Variants in NYAP2 observed in about 807,000 individuals in gnomAD.
The protein encoded by NYAP2 is neuronal tyrosine-phosphorylated phosphoinositide-3-kinase adapter 2.
In NYAP2, 23 loss-of-function variants were observed where a neutral mutation model predicts 50.4. The ratio of observed to expected loss-of-function variants is 0.46; its 90% CI spans 0.33 to 0.65. The LOEUF is 0.65. Ranked by LOEUF, NYAP2 falls within the 30% of genes least tolerant of loss-of-function variation. The probability of loss-of-function intolerance (pLI) is 0.02; values close to 1 mark genes in which losing one functional copy is unlikely to be tolerated. For missense variants in NYAP2, 885 were observed against 861.0 expected (o/e 1.03, Z -0.35); for synonymous variants, 394 against 365.2 (o/e 1.08, Z -0.90).
intron 5 of NYAP2, among the ~76,000 whole-genome samples, chr2:225,586,083 G>C (rs925059447): frequency 3.3e-5 from 5 of 152,144 alleles, no homozygotes; most frequent in Non-Finnish European, 5.9e-5. Context: ...GTTTAGTGGA[G>C]AAGTCAATTT....
chr2:225,687,782 T>C, the NYAP2 span, among the ~76,000 whole-genome samples: 1 of 152,206 alleles, frequency 6.6e-6, no homozygotes, highest in African/African-American at 2.4e-5. Flanking sequence ...ATTGATTCTT[T>C]ACTTGCATGT....
At chr2:225,593,267 G>A (rs993292377) in intron 5 of NYAP2, among the ~76,000 whole-genome samples, 1 of 152,186 alleles carries the variant, frequency 6.6e-6, no homozygotes, top group African/African-American at 2.4e-5. Context: ...AGATAAGTCA[G>A]TTTGCCTCTT....
chr2:225,563,727 G>A (rs1691913195), intron 4 of NYAP2, among the ~76,000 whole-genome samples: 1 of 152,092 alleles, frequency 6.6e-6, no homozygotes, highest in Non-Finnish European at 1.5e-5. Context: ...ATGTGTTTGT[G>A]TATCCATATT....
chr2:225,615,333 G>C (rs1186348668), intron 5 of NYAP2, among the ~76,000 whole-genome samples: 1 of 152,138 alleles, frequency 6.6e-6, no homozygotes, highest in Non-Finnish European at 1.5e-5. Context: ...CAAAGAAAAT[G>C]TTACTGAAAT....
intron 3 of NYAP2, among the ~76,000 whole-genome samples, chr2:225,446,108 G>A (rs1164791922): frequency 6.6e-6 from 1 of 151,654 alleles, no homozygotes; most frequent in South Asian, 2.1e-4. Context: ...TCGAACCCGG[G>A]AGGCGGAGGT....
intron 3 of NYAP2, among the ~76,000 whole-genome samples, chr2:225,424,890 G>C (rs1187489401): frequency 6.6e-6 from 1 of 152,086 alleles, no homozygotes; most frequent in East Asian, 1.9e-4. Context: ...CAAAATGCTT[G>C]TTAGAAGTAA....
At chr2:225,660,324 A>G in the NYAP2 span, among the ~76,000 whole-genome samples, 1 of 152,144 alleles carries the variant, frequency 6.6e-6, no homozygotes, top group Non-Finnish European at 1.5e-5. Flanking sequence ...TGCCCCCAAT[A>G]CTACTTACTC....
chr2:225,598,891 G>T (rs1486520034), intron 5 of NYAP2, among the ~76,000 whole-genome samples: 1 of 152,096 alleles, frequency 6.6e-6, no homozygotes, highest in African/African-American at 2.4e-5. Flanking sequence ...GCAGCATGAG[G>T]CTTCTCCAGT....
chr2:225,470,024 T>G (rs141189689), intron 3 of NYAP2, among the ~76,000 whole-genome samples: 104 of 152,054 alleles, frequency 6.8e-4, no homozygotes, highest in Non-Finnish European at 1.3e-3. Context: ...AGCTAATAGC[T>G]AACGGGCCTA....
chr2:225,654,377 G>A (rs1175552614), downstream of NYAP2, among the ~76,000 whole-genome samples: 1 of 152,026 alleles, frequency 6.6e-6, no homozygotes, highest in Non-Finnish European at 1.5e-5. Context: ...TGGAATTCAT[G>A]TGATCTATTT....
intron 3 of NYAP2, among the ~76,000 whole-genome samples, chr2:225,512,263 CTT>C (rs1690832684): frequency 6.6e-6 from 1 of 152,132 alleles, no homozygotes; most frequent in Non-Finnish European, 1.5e-5. Context: ...AATTTGGAAA[CTT>C]TGCATACACT....
At chr2:225,672,573 T>C in the NYAP2 span, among the ~76,000 whole-genome samples, 1 of 152,126 alleles carries the variant, frequency 6.6e-6, no homozygotes, top group African/African-American at 2.4e-5. Flanking sequence ...CTTTAAGAAC[T>C]TTTCCTTTGC....
intron 3 of NYAP2, among the ~76,000 whole-genome samples, chr2:225,504,911 G>A (rs953326015): frequency 1.3e-5 from 2 of 151,878 alleles, no homozygotes; most frequent in African/African-American, 4.8e-5. Flanking sequence ...GGGAGGCTGA[G>A]GCAGAATAGT....
At chr2:225,606,819 G>A (rs1194617442) in intron 5 of NYAP2, among the ~76,000 whole-genome samples, 1 of 152,042 alleles carries the variant, frequency 6.6e-6, no homozygotes, top group Non-Finnish European at 1.5e-5. Flanking sequence ...TCAAATTATA[G>A]GCATGGTTTC....
the NYAP2 span, among the ~76,000 whole-genome samples, chr2:225,697,520 TTC>T: frequency 2.6e-5 from 4 of 151,988 alleles, no homozygotes; most frequent in African/African-American, 4.8e-5. Context: ...TTCTACTACA[TTC>T]TGTTTATAAA....
At chr2:225,562,418 G>A (rs921936729) in intron 4 of NYAP2, among the ~76,000 whole-genome samples, 5 of 151,982 alleles carry the variant, frequency 3.3e-5, no homozygotes, top group East Asian at 3.9e-4. Flanking sequence ...TGTTTTAAAC[G>A]GCTTGCTGGG....
intron 6 of NYAP2, among the ~76,000 whole-genome samples, chr2:225,636,074 A>C (rs1455930128): frequency 6.6e-6 from 1 of 152,220 alleles, no homozygotes; most frequent in Non-Finnish European, 1.5e-5. Context: ...AATATATATA[A>C]TGTACCCTAG....
intron 4 of NYAP2, among the ~76,000 whole-genome samples, chr2:225,533,321 T>G (rs1292296704): frequency 6.6e-6 from 1 of 152,182 alleles, no homozygotes; most frequent in African/African-American, 2.4e-5. Context: ...AATCATTATT[T>G]AAGGAGTCCT....
intron 5 of NYAP2, 109 bp from the exon 6 acceptor site, chr2:225,626,808 T>G (rs1412129422): frequency 1.2e-6 from 1 of 826,456 alleles, no homozygotes; most frequent in Non-Finnish European, 1.9e-6. Flanking sequence ...AAGTCTGAGT[T>G]TCCAACAACA....
Sources: gnomAD v4.1 joint callset for allele counts (sites outside exome capture counted in the v4.1 genomes callset) on GRCh38, gnomAD v4.1.1 for gene constraint, MANE v1.5 for transcripts, NCBI Gene and HGNC (gene_info 2026-07-23, HGNC 2026-07-21) for gene names.